Variants in CD44 observed in about 807,000 individuals in gnomAD.
CD44 encodes CD44 molecule (IN blood group).
In CD44, 49 loss-of-function variants were observed where a neutral mutation model predicts 88.8. The ratio of observed to expected loss-of-function variants is 0.55; its 90% CI spans 0.44 to 0.70. CD44 has a LOEUF of 0.70. CD44 is among the 30% of genes least tolerant of loss of function. The pLI is 0.00. For missense variants in CD44, 883 were observed against 913.8 expected (o/e 0.97, Z 0.43); for synonymous variants, 325 against 312.3 (o/e 1.04, Z -0.43).
chr11:35,155,311 A>G (rs1163291145), intron 1 of CD44, among the ~76,000 whole-genome samples: 1 of 152,220 alleles, frequency 6.6e-6, no homozygotes, highest in African/African-American at 2.4e-5. Flanking sequence ...GTAGAATAGA[A>G]TAACTTTTTT....
chr11:35,187,231 G>A (rs1479115495), intron 4 of CD44, among the ~76,000 whole-genome samples: 1 of 151,900 alleles, frequency 6.6e-6, no homozygotes, highest in African/African-American at 2.4e-5. Context: ...CTGAGATCGT[G>A]CCACTGCACT....
chr11:35,196,979 A>T (rs182890992), intron 6 of CD44, 105 bp downstream of exon 6: 26 of 1,246,372 alleles, frequency 2.1e-5, no homozygotes, highest in Admixed American at 1.9e-4. Context: ...TTCTATTCTC[A>T]CAAATTTTCG....
Position 35,196,871 on chromosome 11 carries a change from G to A in CD44, c.793G>A (p.Ala265Thr), listed in dbSNP as rs1310991575. Residue 265 changes from alanine (A) to threonine (T), a missense_variant, in exon 6 of 18, where the codon GCT (alanine) becomes ACT (threonine). Coordinates refer to ENST00000428726, the MANE Select transcript of CD44 (RefSeq NM_000610.4). ...KNHLHTTTQM[A>T]GTSSNTISAG... Reference sequence around the variant, plus strand: ...TCATCTTCACACAACAACACAAATGGCTGGTAATGAGTTATTATTATCTCA... The same window carrying A: ...TCATCTTCACACAACAACACAAATGACTGGTAATGAGTTATTATTATCTCA... 1 of 1,613,122 alleles carries A rather than the reference G, an allele frequency of 6.2e-7. No homozygotes were observed. The highest frequency in any genetic ancestry group is 1.7e-5 in the Admixed American group (1 of 59,962).
chr11:35,208,309 T>C lies in CD44; in HGVS notation c.1516+103T>C, dbSNP rs12280375. 0.014 allele frequency: 11,307 copies of C among 807,564 alleles called. 869 individuals are homozygous for C. In the African/African-American group the frequency reaches 0.16, roughly 12 times the overall value. 50.0% of individuals were successfully genotyped at this position (807,564 alleles called of 1,614,324 possible). A position where few individuals can be genotyped will look rare whatever the true frequency, so the allele number is the denominator to read the frequency against. The stretch of plus-strand genomic sequence containing the variant: ...GAGCTTTGGTGGTGGAATGGTGCTA[T>C]GTGGCTTACTTCAGCCCAGAGTGTG... On this transcript the variant is annotated intron_variant, in intron 12 of 17. Transcript: ENST00000428726.
chr11:35,141,229 G>A (rs1857851286), intron 1 of CD44, among the ~76,000 whole-genome samples: 1 of 152,208 alleles, frequency 6.6e-6, no homozygotes, highest in Non-Finnish European at 1.5e-5. Flanking sequence ...GCCAGGAGCA[G>A]TGCTGGATGG....
At chr11:35,190,864 T>C (rs1946200378) in intron 5 of CD44, among the ~76,000 whole-genome samples, 2 of 152,226 alleles carry the variant, frequency 1.3e-5, no homozygotes, top group Admixed American at 1.3e-4. Flanking sequence ...ATTCATTACT[T>C]AGGGTTGCAA....
intron 11 of CD44, 117 bp downstream of exon 11, chr11:35,206,360 T>G (rs577934455): frequency 2.0e-6 from 2 of 1,018,926 alleles, no homozygotes; most frequent in Admixed American, 2.9e-5. Context: ...CTGAAGGACC[T>G]GAGGTTCTTC....
chr11:35,181,899 A>ATATT (rs1565080451), intron 3 of CD44, among the ~76,000 whole-genome samples: 9 of 62,464 alleles, frequency 1.4e-4, no homozygotes, highest in African/African-American at 4.9e-4. Flanking sequence ...TATATAATAT[A>ATATT]ATATATAATA....
chr11:35,168,414 T>G (rs1430920518), intron 1 of CD44, among the ~76,000 whole-genome samples: 1 of 152,228 alleles, frequency 6.6e-6, no homozygotes, highest in Admixed American at 6.5e-5. Context: ...TAAAAATGCC[T>G]GCCACACAGG....
At chr11:35,220,572 G>A (rs1245979994) in intron 16 of CD44, among the ~76,000 whole-genome samples, 1 of 152,072 alleles carries the variant, frequency 6.6e-6, no homozygotes, top group Non-Finnish European at 1.5e-5. Flanking sequence ...ACTGAATTTA[G>A]TGGAGTTGTC....
Position 35,222,488 on chromosome 11 carries a change from A to G in CD44, c.2024+756A>G, listed in dbSNP as rs1949383677. On this transcript the variant is annotated intron_variant, in intron 17 of 17. Coordinates refer to ENST00000428726, the MANE Select transcript of CD44 (RefSeq NM_000610.4). ...CTTTGGAAAACAACTAAATGAAGAC[A>G]GTCACCTCGCTAGAACTGACACATG... 5 of 1,234,596 alleles carry G rather than the reference A, an allele frequency of 4.0e-6. No homozygotes were observed. In the Admixed American group the frequency reaches 1.2e-4, roughly 29 times the overall value. The allele number at this position is 1,234,596 out of a possible 1,614,324, so 76.5% of individuals were successfully genotyped here. A position where few individuals can be genotyped will look rare whatever the true frequency, so the allele number is the denominator to read the frequency against.
At chr11:35,176,800 CT>C in intron 2 of CD44, 60 bp downstream of exon 2, 1 of 1,516,378 alleles carries the variant, frequency 6.6e-7, no homozygotes, top group Non-Finnish European at 9.0e-7. Flanking sequence ...GGCAGCTGGG[CT>C]TAGAACTGGA....
At chr11:35,155,315 C>A (rs901112622) in intron 1 of CD44, among the ~76,000 whole-genome samples, 10 of 152,144 alleles carry the variant, frequency 6.6e-5, no homozygotes, top group African/African-American at 9.7e-5. Context: ...AATAGAATAA[C>A]TTTTTTTGCA....
At chr11:35,156,751 T>C (rs1362210092) in intron 1 of CD44, among the ~76,000 whole-genome samples, 5 of 152,226 alleles carry the variant, frequency 3.3e-5, no homozygotes, top group African/African-American at 7.2e-5. Context: ...ACTTGTTTAA[T>C]GTCTGTCAGT....
chr11:35,214,283 A>G (rs923792309), intron 14 of CD44, among the ~76,000 whole-genome samples: 14 of 152,108 alleles, frequency 9.2e-5, no homozygotes, highest in Non-Finnish European at 2.1e-4. Context: ...TTCCTTTTTT[A>G]CTTATTTTCA....
At chr11:35,207,797 A>G (rs2134139715) in intron 11 of CD44, among the ~76,000 whole-genome samples, 1 of 152,310 alleles carries the variant, frequency 6.6e-6, no homozygotes, top group South Asian at 2.1e-4. Context: ...TAAAAAAGGC[A>G]ATGTTTCTGT....
chr11:35,140,788 A>G (rs1250155603), intron 1 of CD44, among the ~76,000 whole-genome samples: 1 of 152,198 alleles, frequency 6.6e-6, no homozygotes, highest in South Asian at 2.1e-4. Flanking sequence ...TGGGAGGCTG[A>G]GGCAGCAAAT....
chr11:35,223,445 G>A, intron 17 of CD44: 1 of 219,168 alleles, frequency 4.6e-6, no homozygotes, highest in Non-Finnish European at 7.7e-6. Context: ...GACATTTAGG[G>A]AGACCTCGGA....
At position 35,231,077 on chromosome 11, in the gene CD44, CCT is replaced by C; in HGVS notation, c.*1750_*1751del. ...TCCTCCCTGTCTACCCTCTCCCCTC[CCT>C]CTCTCCCTCCACTTCACCCCACAAT... On this transcript the variant is annotated 3_prime_UTR_variant, in exon 18 of 18. Coordinates refer to ENST00000428726, the MANE Select transcript of CD44 (RefSeq NM_000610.4). The C allele has an allele frequency of 6.5e-6, 1 of 153,096 alleles. No individual in the cohort carries two copies. The allele number at this position is 153,096 out of a possible 1,614,324, so 9.5% of individuals were successfully genotyped here.
Sources: gnomAD v4.1 joint callset for allele counts (sites outside exome capture counted in the v4.1 genomes callset) on GRCh38, gnomAD v4.1.1 for gene constraint, MANE v1.5 for transcripts, NCBI Gene and HGNC (gene_info 2026-07-23, HGNC 2026-07-21) for gene names.